MRPL13: variants seen among roughly 807,000 people sequenced by gnomAD.
MRPL13 encodes mitochondrial ribosomal protein L13.
MRPL13 carries 33 observed loss-of-function variants against 29.0 expected under a neutral mutation model. The observed-to-expected ratio is 1.14, with a 90% CI of 0.86 to 1.52. The LOEUF (loss-of-function observed/expected upper bound fraction) is 1.52. MRPL13 is among the 40% of genes most tolerant of loss of function. The pLI is 0.00. For synonymous variants in MRPL13, 77 were observed against 68.4 expected (o/e 1.13, Z -0.62); for missense variants, 227 against 216.7 (o/e 1.05, Z -0.30).
chr8:120,437,735 C>A (rs1014358538), intron 2 of MRPL13, among the ~76,000 whole-genome samples: 1 of 152,138 alleles, frequency 6.6e-6, no homozygotes, highest in Non-Finnish European at 1.5e-5. Context: ...CAACACTTCA[C>A]AGACATCCAT....
intron 2 of MRPL13, among the ~76,000 whole-genome samples, chr8:120,438,856 A>T (rs1313104565): frequency 6.6e-6 from 1 of 152,250 alleles, no homozygotes; most frequent in Non-Finnish European, 1.5e-5. Context: ...CAAAATATCT[A>T]AAGTCCTAAG....
At chr8:120,438,454 A>G (rs1813079575) in intron 2 of MRPL13, among the ~76,000 whole-genome samples, 2 of 152,230 alleles carry the variant, frequency 1.3e-5, no homozygotes, top group African/African-American at 4.8e-5. Context: ...CCGAATGCCT[A>G]TTCATCCATA....
In MRPL13 at chr8:120,420,816, C is replaced by T. The variant is rs372569844; in HGVS notation, c.307-878G>A. Among the ~76,000 whole-genome samples, 236 of 151,870 alleles carry T rather than the reference C, an allele frequency of 1.6e-3. 1 individual carries two copies. Among genetic ancestry groups the T allele is most frequent in the African/African-American group, 4.8e-3 (198 of 41,496 alleles). On this transcript the variant is annotated intron_variant, in intron 4 of 6. Coordinates refer to ENST00000306185, the MANE Select transcript of MRPL13 (RefSeq NM_014078.6). ...ATTTTATTGTATTAATAGTGTTACA[C>T]GGCATTTGATTTTCATGTTTCTAAA...
At chr8:120,419,266 AATATT>A (rs1313209121) in intron 5 of MRPL13, among the ~76,000 whole-genome samples, 1 of 151,982 alleles carries the variant, frequency 6.6e-6, no homozygotes, top group Non-Finnish European at 1.5e-5. Context: ...GACTTGATAA[AATATT>A]ATTTTATTAT....
Position 120,441,244 on chromosome 8 carries a change from T to A in MRPL13, c.151+1941A>T, listed in dbSNP as rs377394404. 8.1e-4 allele frequency among the ~76,000 whole-genome samples: 123 copies of A among 152,232 alleles called. 1 individual carries two copies. The highest frequency in any genetic ancestry group is 2.8e-3 in the African/African-American group (116 of 41,538). On this transcript the variant is annotated intron_variant, in intron 2 of 6. Transcript: ENST00000306185. Reference sequence around the variant, plus strand: ...GATGTCTACTAGACAACAGATGAATTTGCTTAATAGAAATGTGTATATGTG... The same window carrying A: ...GATGTCTACTAGACAACAGATGAATATGCTTAATAGAAATGTGTATATGTG...
intron 6 of MRPL13, among the ~76,000 whole-genome samples, chr8:120,410,241 T>C (rs1812725366): frequency 1.3e-5 from 2 of 152,206 alleles, no homozygotes; most frequent in Non-Finnish European, 2.9e-5. Flanking sequence ...TGTGGCGCAA[T>C]GCAGGTACAT....
intron 5 of MRPL13, among the ~76,000 whole-genome samples, chr8:120,419,445 T>C (rs746935828): frequency 7.2e-5 from 11 of 151,898 alleles, no homozygotes; most frequent in Admixed American, 5.3e-4. Flanking sequence ...TGGGAAACAA[T>C]AGCAACCAAA....
Position 120,419,958 on chromosome 8 carries a change from C to T in MRPL13, c.307-20G>A, listed in dbSNP as rs1812850388. 1.3e-6 allele frequency: 2 copies of T among 1,486,482 alleles called. No homozygotes were observed. The highest frequency in any genetic ancestry group is 1.8e-6 in the Non-Finnish European group (2 of 1,103,498). The allele number at this position is 1,486,482 out of a possible 1,614,324, so 92.1% of individuals were successfully genotyped here. A position where few individuals can be genotyped will look rare whatever the true frequency, so the allele number is the denominator to read the frequency against. On this transcript the variant is annotated intron_variant, in intron 4 of 6. Coordinates refer to ENST00000306185, the MANE Select transcript of MRPL13 (RefSeq NM_014078.6). ...TACAATCTGAAAGATATACATAGGA[C>T]ACAATAAGAAAATTGTGACTTGCGA...
chr8:120,428,991 C>G (rs2130476691), intron 3 of MRPL13, among the ~76,000 whole-genome samples: 1 of 152,246 alleles, frequency 6.6e-6, no homozygotes, highest in African/African-American at 2.4e-5. Flanking sequence ...AATCCCATTC[C>G]TAGGTACATA....
chr8:120,431,945 C>G (rs773114469), intron 3 of MRPL13, 85 bp downstream of exon 3: 5 of 963,026 alleles, frequency 5.2e-6, no homozygotes, highest in Non-Finnish European at 5.9e-6. Context: ...TTAAAAATAT[C>G]TTTTTTCTTT....
intron 5 of MRPL13, among the ~76,000 whole-genome samples, chr8:120,417,194 C>T (rs959588094): frequency 2.0e-5 from 3 of 152,174 alleles, no homozygotes; most frequent in African/African-American, 4.8e-5. Flanking sequence ...GTGTTCAGTG[C>T]TTCATAGCAG....
At chr8:120,429,504 A>C (rs898600070) in intron 3 of MRPL13, among the ~76,000 whole-genome samples, 1 of 151,978 alleles carries the variant, frequency 6.6e-6, no homozygotes, top group Non-Finnish European at 1.5e-5. Context: ...AAAAAAAAAA[A>C]ACAAAAAACA....
At position 120,414,119 on chromosome 8, in the gene MRPL13, T is replaced by TA. The variant is rs201028499; in HGVS notation, c.394-8dup. 407 of 1,505,580 alleles carry TA rather than the reference T, an allele frequency of 2.7e-4. No homozygotes were observed. Among genetic ancestry groups the TA allele is most frequent in the South Asian group, 7.7e-4 (56 of 72,592 alleles). The allele number at this position is 1,505,580 out of a possible 1,614,324, so 93.3% of individuals were successfully genotyped here. On this transcript the variant is annotated splice_polypyrimidine_tract_variant and splice_region_variant and intron_variant, in intron 5 of 6. Coordinates refer to ENST00000306185, the MANE Select transcript of MRPL13 (RefSeq NM_014078.6). ...GAATATCTTCTGGAATATACTACAT[T>TA]AAAAAAAAATTTAGACTTAATTTTC...
chr8:120,430,644 C>T (rs1241454324), intron 3 of MRPL13, among the ~76,000 whole-genome samples: 1 of 152,090 alleles, frequency 6.6e-6, no homozygotes, highest in Non-Finnish European at 1.5e-5. Flanking sequence ...GGGAACAACA[C>T]ATGCAAAGGC....
At chr8:120,413,762 T>C (rs1294241477) in intron 6 of MRPL13, among the ~76,000 whole-genome samples, 1 of 152,144 alleles carries the variant, frequency 6.6e-6, no homozygotes, top group African/African-American at 2.4e-5. Context: ...TTGATAATTA[T>C]AGGAACCTAT....
intron 3 of MRPL13, among the ~76,000 whole-genome samples, chr8:120,429,810 C>G (rs1812978032): frequency 6.6e-6 from 1 of 152,110 alleles, no homozygotes; most frequent in African/African-American, 2.4e-5. Flanking sequence ...TTGCATATAA[C>G]CTACACACAT....
chr8:120,410,771 T>C (rs2130458903), intron 6 of MRPL13, among the ~76,000 whole-genome samples: 1 of 151,570 alleles, frequency 6.6e-6, no homozygotes, highest in African/African-American at 2.4e-5. Context: ...CCCTCCCTCC[T>C]TCCTTCCTTT....
At chr8:120,409,820 C>T (rs917108542) in intron 6 of MRPL13, among the ~76,000 whole-genome samples, 1 of 152,208 alleles carries the variant, frequency 6.6e-6, no homozygotes, top group South Asian at 2.1e-4. Context: ...ATAGTTTTGT[C>T]ATAAATATCA....
At chr8:120,437,302 C>A (rs944002786) in intron 2 of MRPL13, among the ~76,000 whole-genome samples, 2 of 152,162 alleles carry the variant, frequency 1.3e-5, no homozygotes, top group African/African-American at 4.8e-5. Flanking sequence ...AATCTGATCT[C>A]TGTTGAATTG....
Sources: allele counts gnomAD v4.1 joint callset (sites outside exome capture counted in the v4.1 genomes callset), GRCh38; gene constraint gnomAD v4.1.1; transcripts MANE v1.5; gene names NCBI Gene and HGNC (gene_info 2026-07-23, HGNC 2026-07-21).